Variants in RS1 observed in about 807,000 individuals in gnomAD.
RS1 encodes retinoschisin 1.
Under a neutral mutation model 20.8 loss-of-function variants are expected in RS1, and 2 were observed. That is an observed-to-expected ratio of 0.10 (90% confidence interval 0.04 to 0.30). RS1 has a LOEUF of 0.30. Among genes scored for constraint, RS1 ranks in the 10% least tolerant of loss-of-function variants. RS1 has a pLI of 1.00. For synonymous variants in RS1, 70 were observed against 75.8 expected (o/e 0.92, Z 0.40); for missense variants, 151 against 189.8 (o/e 0.80, Z 1.20).
At chrX:18,646,270 C>T (rs1425971649) in intron 4 of RS1, among the ~76,000 whole-genome samples, 4 of 111,845 alleles carry the variant, frequency 3.6e-5, no homozygotes, top group African/African-American at 1.3e-4. Flanking sequence ...TCTCCTGCCT[C>T]AGCCTCCTAA....
In RS1 at chrX:18,647,064, G is replaced by C. The variant is rs893935663; in HGVS notation, c.326+127C>G. 9.1e-5 allele frequency: 68 copies of C among 749,970 alleles called. No individual in the cohort carries two copies. In the African/African-American group the frequency reaches 1.3e-3, roughly 15 times the overall value. 61.8% of individuals were successfully genotyped at this position (749,970 alleles called of 1,213,427 possible). ...CCTGAGTAGCTGGGATTACAGGCAC[G>C]TGCCACCACGCCAGTTAATTTTTTG... On this transcript the variant is annotated intron_variant, in intron 4 of 5. Transcript: ENST00000379984.
chrX:18,642,587 G>T (rs1040969591), intron 5 of RS1, among the ~76,000 whole-genome samples: 1 of 111,808 alleles, frequency 8.9e-6, no homozygotes, highest in Non-Finnish European at 1.9e-5. Flanking sequence ...TTTTGAAAAG[G>T]CCCACATCAC....
intron 5 of RS1, 109 bp from the exon 6 acceptor site, chrX:18,642,265 T>G: frequency 4.1e-5 from 35 of 854,360 alleles, no homozygotes; most frequent in Non-Finnish European, 5.4e-5. Context: ...GATTAGGAAG[T>G]AGTTAAAGCA....
In RS1 at chrX:18,640,128, CTTT is replaced by C. The variant is rs1477729378; in HGVS notation, c.*1873_*1875del. 2.7e-5 allele frequency: 3 copies of C among 111,358 alleles called. No homozygotes were observed. The highest frequency in any genetic ancestry group is 6.5e-5 in the African/African-American group (2 of 30,604). 9.2% of individuals were successfully genotyped at this position (111,358 alleles called of 1,213,427 possible). ...ATACCAAAAGTCATCAAATTGTACACTTTAAATGGATACAAATTGTATGTGAAC... is the reference window on the plus strand; with the variant it reads ...ATACCAAAAGTCATCAAATTGTACACAAATGGATACAAATTGTATGTGAAC... On this transcript the variant is annotated 3_prime_UTR_variant, in exon 6 of 6. Coordinates refer to ENST00000379984, the MANE Select transcript of RS1 (RefSeq NM_000330.4).
chrX:18,646,686 C>T (rs1927786346), intron 4 of RS1, among the ~76,000 whole-genome samples: 1 of 111,310 alleles, frequency 9.0e-6, no homozygotes, highest in Non-Finnish European at 1.9e-5. Context: ...GGCTTGCTGC[C>T]CTGCTTATGT....
rs144683916 is a variant in RS1, at chrX:18,647,222, T to C, written c.295A>G (p.Asn99Asp). 4,084 of 1,209,000 alleles carry C rather than the reference T, an allele frequency of 3.4e-3. 89 individuals are homozygous for C. The African/African-American group carries it at 0.063, about 19-fold the overall frequency. ...YVGWYSSWTA[N>D]KARLNSQGFG... ...CCTTGACTGTTGAGCCGGGCCTTGTTTGCAGTCCACGAAGAATACCAGCCC... is the reference window on the plus strand; with the variant it reads ...CCTTGACTGTTGAGCCGGGCCTTGTCTGCAGTCCACGAAGAATACCAGCCC... Residue 99 changes from asparagine to aspartate, a missense_variant, in exon 4 of 6, where the codon AAC (asparagine) becomes GAC (aspartate). By Grantham distance (23) the Asn-to-Asp change is conservative. Transcript: ENST00000379984.
In RS1 at chrX:18,641,764, C is replaced by T. The variant is rs1424360942; in HGVS notation, c.*240G>A. The T allele has an allele frequency of 2.3e-5, 9 of 398,695 alleles. No homozygotes were observed. In the Admixed American group the frequency reaches 2.6e-4, roughly 11 times the overall value. The allele number at this position is 398,695 out of a possible 1,213,427, so 32.9% of individuals were successfully genotyped here. On this transcript the variant is annotated 3_prime_UTR_variant, in exon 6 of 6. Transcript: ENST00000379984. ...CTACTTAGGCTTTTGTAAGAAAATT[C>T]GTTTCGGGGACATTTTCTTTGTTCT... is the stretch of plus-strand genomic sequence containing the variant.
intron 3 of RS1, chrX:18,653,431 G>C: frequency 8.3e-7 from 1 of 1,210,808 alleles, no homozygotes; most frequent in Non-Finnish European, 1.1e-6. Context: ...GTGCTTTCCA[G>C]GGTTCTCTTT....
At position 18,672,045 on chromosome X, in the gene RS1, A is replaced by G; in HGVS notation, c.24T>C (p.Phe8=). Residue 8 remains phenylalanine (F), a synonymous_variant, in exon 1 of 6, where the codon TTT becomes TTC. Coordinates refer to ENST00000379984, the MANE Select transcript of RS1 (RefSeq NM_000330.4). MSRKIEG[F]LLLLLFGYEA... ...CATAGCCAAAGAGAAGTAATAACAAAAAGCCTTCTATCTTGCGTGACATCT... is the reference window on the plus strand; with the variant it reads ...CATAGCCAAAGAGAAGTAATAACAAGAAGCCTTCTATCTTGCGTGACATCT... The G allele has an allele frequency of 8.3e-7, 1 of 1,211,107 alleles. No homozygotes were observed. The highest frequency in any genetic ancestry group is 1.1e-6 in the Non-Finnish European group (1 of 895,056).
At chrX:18,646,462 G>A (rs1194041206) in intron 4 of RS1, among the ~76,000 whole-genome samples, 2 of 112,647 alleles carry the variant, frequency 1.8e-5, no homozygotes, top group African/African-American at 6.4e-5. Context: ...GCTGATGAAT[G>A]GAACTTTTAA....
intron 5 of RS1, among the ~76,000 whole-genome samples, chrX:18,644,062 A>G (rs1325137116): frequency 2.7e-5 from 3 of 111,530 alleles, no homozygotes; most frequent in African/African-American, 9.8e-5. Flanking sequence ...ATCTATATAA[A>G]TGGATGATTC....
intron 1 of RS1, among the ~76,000 whole-genome samples, chrX:18,659,200 G>A (rs781395509): frequency 1.8e-5 from 2 of 111,529 alleles, no homozygotes; most frequent in East Asian, 2.8e-4. Flanking sequence ...TTGGCCGGGC[G>A]GGGTAGCTCA....
At chrX:18,656,521 C>T (rs1928217091) in intron 3 of RS1, 132 bp downstream of exon 3, 1 of 569,180 alleles carries the variant, frequency 1.8e-6, no homozygotes, top group Admixed American at 2.3e-5. Context: ...AATAAATACA[C>T]ACAGCTACCA....
chrX:18,665,624 C>A (rs2147206963), intron 1 of RS1, among the ~76,000 whole-genome samples: 1 of 110,878 alleles, frequency 9.0e-6, no homozygotes, highest in East Asian at 2.8e-4. Flanking sequence ...AATTCTAACA[C>A]TTTGGGAGGC....
intron 1 of RS1, among the ~76,000 whole-genome samples, chrX:18,668,645 G>A (rs766653229): frequency 8.8e-6 from 1 of 113,137 alleles, no homozygotes; most frequent in Non-Finnish European, 1.9e-5. Context: ...TATTTTAGGC[G>A]ACAGGCATAT....
chrX:18,643,684 A>G (rs1162337166), intron 5 of RS1, among the ~76,000 whole-genome samples: 1 of 112,066 alleles, frequency 8.9e-6, no homozygotes, highest in Non-Finnish European at 1.9e-5. Flanking sequence ...AGAGACTTAC[A>G]AAGCCTTCTG....
Position 18,671,998 on chromosome X carries a change from A to G in RS1, c.52+19T>C, listed in dbSNP as rs1928498025. On this transcript the variant is annotated intron_variant, in intron 1 of 5. Coordinates refer to ENST00000379984, the MANE Select transcript of RS1 (RefSeq NM_000330.4). ...TGTATTAAGTATGCAATGAATGTCA[A>G]TGGTTGAATAGCACATACCTTCATA... 2.5e-6 allele frequency: 3 copies of G among 1,185,706 alleles called. No individual in the cohort carries two copies. Among genetic ancestry groups the G allele is most frequent in the African/African-American group, 3.5e-5 (2 of 56,793 alleles).
At chrX:18,647,641 C>A (rs1927841254) in intron 3 of RS1, 4 of 307,732 alleles carry the variant, frequency 1.3e-5, no homozygotes, top group Non-Finnish European at 2.3e-5. Flanking sequence ...ACCTCCTCCA[C>A]CAACTTAGAG....
chrX:18,651,264 T>TGTGTGTGTGTGAGAGA (rs1491242962), intron 3 of RS1, among the ~76,000 whole-genome samples: 1 of 69,006 alleles, frequency 1.4e-5, no homozygotes, highest in African/African-American at 6.3e-5. Flanking sequence ...TGTGTGTGTG[T>TGTGTGTGTGTGAGAGA]GAGAGAGAGA....
Sources: gnomAD v4.1 joint callset for allele counts (sites outside exome capture counted in the v4.1 genomes callset) on GRCh38, gnomAD v4.1.1 for gene constraint, MANE v1.5 for transcripts, NCBI Gene and HGNC (gene_info 2026-07-23, HGNC 2026-07-21) for gene names.